The following CENPQ variants were observed in gnomAD, a reference collection of about 807,000 sequenced individuals.
CENPQ encodes the protein centromere protein Q.
A neutral mutation model predicts 36.6 loss-of-function variants in CENPQ; 27 were observed. The observed-to-expected ratio is 0.74, with a 90% CI of 0.54 to 1.02. The LOEUF (loss-of-function observed/expected upper bound fraction) is 1.02. CENPQ is among the 50% of genes least tolerant of loss of function. The pLI, the probability that CENPQ is intolerant of heterozygous loss-of-function variation, is 0.00. For missense variants in CENPQ, 306 were observed against 301.8 expected (o/e 1.01, Z -0.10); for synonymous variants, 101 against 101.7 (o/e 0.99, Z 0.04).
At chr6:49,484,928 T>C (rs1182720614) in intron 6 of CENPQ, among the ~76,000 whole-genome samples, 1 of 152,188 alleles carries the variant, frequency 6.6e-6, no homozygotes, top group Non-Finnish European at 1.5e-5. Flanking sequence ...TTAGTATTTA[T>C]GCACATCAGT....
chr6:49,486,222 C>G (rs945060829), intron 6 of CENPQ, among the ~76,000 whole-genome samples: 1 of 152,180 alleles, frequency 6.6e-6, no homozygotes, highest in Non-Finnish European at 1.5e-5. Context: ...AGACAAGAAA[C>G]CATTCTCCTC....
At chr6:49,486,174 A>G (rs138887275) in intron 6 of CENPQ, among the ~76,000 whole-genome samples, 117 of 152,338 alleles carry the variant, frequency 7.7e-4, no homozygotes, top group African/African-American at 2.7e-3. Flanking sequence ...AGAGCAATGC[A>G]GCTACAAAGA....
At chr6:49,471,654 C>A (rs957784307) in intron 3 of CENPQ, among the ~76,000 whole-genome samples, 10 of 151,840 alleles carry the variant, frequency 6.6e-5, no homozygotes, top group African/African-American at 2.2e-4. Context: ...AGAACAGTAC[C>A]AACAGCATAG....
intron 1 of CENPQ, among the ~76,000 whole-genome samples, chr6:49,469,906 G>T (rs1450255267): frequency 6.6e-6 from 1 of 151,648 alleles, no homozygotes; most frequent in African/African-American, 2.4e-5. Flanking sequence ...CCATACAAAC[G>T]GAAGTTAATT....
intron 6 of CENPQ, among the ~76,000 whole-genome samples, chr6:49,485,563 A>G (rs1768555857): frequency 6.6e-6 from 1 of 152,218 alleles, no homozygotes; most frequent in Admixed American, 6.5e-5. Context: ...GTGAACTGAA[A>G]TAAATTCAGA....
intron 6 of CENPQ, among the ~76,000 whole-genome samples, chr6:49,485,367 A>G (rs1312821291): frequency 6.6e-6 from 1 of 152,226 alleles, no homozygotes; most frequent in East Asian, 1.9e-4. Context: ...ATGGCATTAG[A>G]ACAGCTGAAG....
At chr6:49,476,838 A>G (rs574870252) in intron 5 of CENPQ, among the ~76,000 whole-genome samples, 332 of 152,368 alleles carry the variant, frequency 2.2e-3, no homozygotes, top group African/African-American at 7.8e-3. Flanking sequence ...ATCACTGGCC[A>G]TCAGAGAAAC....
rs766983980 is a variant in CENPQ, at chr6:49,472,100, A to C, written c.195A>C (p.Thr65=). ...ACACTAACCTAAAACACGGAAAGAC[A>C]GCAGCCAGCAAGAGAAAAACCTGGC... ...TKHTNLKHGK[T]AASKRKTWQP... The change falls in exon 4 of 9, where the codon ACA becomes ACC. Residue 65 remains threonine (T), a synonymous_variant. Transcript: ENST00000335783. 8 of 1,612,936 alleles carry C rather than the reference A, an allele frequency of 5.0e-6. No individual in the cohort carries two copies. In the South Asian group the frequency reaches 8.8e-5, roughly 18 times the overall value.
chr6:49,463,680 G>A (rs1767924111), intron 1 of CENPQ, among the ~76,000 whole-genome samples: 1 of 152,110 alleles, frequency 6.6e-6, no homozygotes, highest in Non-Finnish European at 1.5e-5. Context: ...TATTTCTCCC[G>A]AATCATCCTC....
intron 6 of CENPQ, among the ~76,000 whole-genome samples, chr6:49,486,337 GGT>G (rs1768577772): frequency 6.6e-6 from 1 of 152,158 alleles, no homozygotes; most frequent in Non-Finnish European, 1.5e-5. Context: ...CCAAGTAGGT[GGT>G]ACAGCAGCCA....
intron 5 of CENPQ, among the ~76,000 whole-genome samples, chr6:49,473,782 T>G (rs530358561): frequency 1.3e-5 from 2 of 152,286 alleles, no homozygotes; most frequent in Admixed American, 6.5e-5. Flanking sequence ...CCATCTCATG[T>G]GCAGAGATAC....
intron 6 of CENPQ, among the ~76,000 whole-genome samples, chr6:49,483,854 A>C (rs1015798493): frequency 6.6e-6 from 1 of 152,208 alleles, no homozygotes; most frequent in Non-Finnish European, 1.5e-5. Context: ...CAGCCCAGAA[A>C]GGGGCTCCCA....
intron 4 of CENPQ, 142 bp from the exon 5 acceptor site, chr6:49,472,648 G>A (rs947660282): frequency 1.8e-6 from 1 of 550,904 alleles, no homozygotes; most frequent in Non-Finnish European, 2.7e-6. Context: ...TGTTTAAAGT[G>A]TCTTTAATAT....
chr6:49,481,595 C>G (rs1768430681), intron 6 of CENPQ, among the ~76,000 whole-genome samples: 1 of 152,204 alleles, frequency 6.6e-6, no homozygotes, highest in Non-Finnish European at 1.5e-5. Context: ...CCACTGCTGG[C>G]TCAGGCAGCC....
intron 1 of CENPQ, 45 bp downstream of exon 1, chr6:49,463,498 G>A (rs534996081): frequency 6.6e-6 from 1 of 152,350 alleles, no homozygotes; most frequent in African/African-American, 2.4e-5. Context: ...CTAAAGTTCA[G>A]GGATGAGTTT....
At chr6:49,487,041 T>C (rs1357701298) in intron 6 of CENPQ, among the ~76,000 whole-genome samples, 2 of 150,520 alleles carry the variant, frequency 1.3e-5, no homozygotes, top group East Asian at 3.9e-4. Flanking sequence ...TAGTCCCAGC[T>C]ACTTGGGAGG....
intron 8 of CENPQ, among the ~76,000 whole-genome samples, chr6:49,489,457 G>C (rs1209539072): frequency 6.6e-5 from 10 of 152,038 alleles, no homozygotes; most frequent in Non-Finnish European, 1.5e-4. Context: ...CTCCACTAAA[G>C]TCTTGAACTT....
chr6:49,486,640 T>A (rs1053098759), intron 6 of CENPQ, among the ~76,000 whole-genome samples: 2 of 152,128 alleles, frequency 1.3e-5, no homozygotes, highest in African/African-American at 4.8e-5. Flanking sequence ...CTCCAATTTA[T>A]GAGAAAATTG....
chr6:49,469,459 T>C (rs1442852758), intron 1 of CENPQ, among the ~76,000 whole-genome samples: 2 of 152,216 alleles, frequency 1.3e-5, no homozygotes, highest in Non-Finnish European at 2.9e-5. Flanking sequence ...TCTGTTCCTT[T>C]TATCAGAAAT....
Sources: gnomAD v4.1 joint callset for allele counts (sites outside exome capture counted in the v4.1 genomes callset) on GRCh38, gnomAD v4.1.1 for gene constraint, MANE v1.5 for transcripts, NCBI Gene and HGNC (gene_info 2026-07-23, HGNC 2026-07-21) for gene names.